Variants in PARD3B observed in about 807,000 individuals in gnomAD.
The protein encoded by PARD3B is partitioning defective 3 homolog B.
A neutral mutation model predicts 130.2 loss-of-function variants in PARD3B; 103 were observed. The ratio of observed to expected loss-of-function variants is 0.79; its 90% CI spans 0.67 to 0.93. The LOEUF is 0.93. Among genes scored for constraint, PARD3B ranks in the 40% least tolerant of loss-of-function variants. The pLI is 0.00. For missense variants in PARD3B, 1,609 were observed against 1,499.2 expected (o/e 1.07, Z -1.21); for synonymous variants, 583 against 553.2 (o/e 1.05, Z -0.76).
Position 205,183,547 on chromosome 2 carries a change from G to A in PARD3B, c.1925-2217G>A, listed in dbSNP as rs2035913832. On this transcript the variant is annotated intron_variant, in intron 13 of 22. Coordinates refer to ENST00000406610, the MANE Select transcript of PARD3B (RefSeq NM_001302769.2). The surrounding 1 kb of genome is among the most constrained non-coding windows in gnomAD (Gnocchi z 5.2). ...GAGGTGGTGCAGGGGCACAGTGCAG[G>A]CGCTGCCTTTGTGCTTCTTTCCCCC... Among the ~76,000 whole-genome samples the A allele has an allele frequency of 6.6e-6, 1 of 152,114 alleles. No individual in the cohort carries two copies. The highest frequency in any genetic ancestry group is 2.1e-4 in the South Asian group (1 of 4,830).
chr2:205,155,841 T>G (rs1206242717), intron 10 of PARD3B, among the ~76,000 whole-genome samples: 1 of 152,224 alleles, frequency 6.6e-6, no homozygotes, highest in Non-Finnish European at 1.5e-5. Flanking sequence ...TGCATAAGTG[T>G]CTTCCTTTGA....
intron 2 of PARD3B, among the ~76,000 whole-genome samples, chr2:204,964,784 T>G (rs987144609): frequency 6.6e-6 from 1 of 152,134 alleles, no homozygotes; most frequent in Non-Finnish European, 1.5e-5. Flanking sequence ...CATATTCAAC[T>G]TTCATTTTTG....
Position 204,848,157 on chromosome 2 carries a change from A to G in PARD3B, c.223-116995A>G, listed in dbSNP as rs1259469243. ...ATTCTGCCTAAAGTTTATAAAGTTT[A>G]TAAGTTAAACTTTATCATAGGTGAG... On this transcript the variant is annotated intron_variant, in intron 2 of 22. Transcript: ENST00000406610. 5.3e-5 allele frequency among the ~76,000 whole-genome samples: 8 copies of G among 152,318 alleles called. 1 individual carries two copies. In the South Asian group the frequency reaches 8.3e-4, roughly 16 times the overall value.
chr2:204,566,536 T>C (rs1444779020), intron 1 of PARD3B, among the ~76,000 whole-genome samples: 2 of 152,204 alleles, frequency 1.3e-5, no homozygotes, highest in African/African-American at 4.8e-5. Flanking sequence ...ACGTTTGTCT[T>C]ATAAAGTTCT....
intron 10 of PARD3B, among the ~76,000 whole-genome samples, chr2:205,154,609 C>T (rs189626459): frequency 4.7e-3 from 715 of 152,216 alleles, no homozygotes; most frequent in African/African-American, 0.017. Context: ...ATGTTTATTG[C>T]GGCACTATTC....
At chr2:205,610,287 C>A (rs188477610) in intron 22 of PARD3B, among the ~76,000 whole-genome samples, 3 of 152,302 alleles carry the variant, frequency 2.0e-5, no homozygotes, top group Admixed American at 6.5e-5. Context: ...CCAGGTACCA[C>A]ACTTGTAACT....
At position 205,499,925 on chromosome 2, in the gene PARD3B, G is replaced by A. The variant is rs200533547; in HGVS notation, c.3074G>A (p.Arg1025His). The A allele has an allele frequency of 9.0e-5, 145 of 1,613,512 alleles. No individual in the cohort carries two copies. Among genetic ancestry groups the A allele is most frequent in the East Asian group, 8.9e-4 (40 of 44,892 alleles). The stretch of plus-strand genomic sequence containing the variant: ...CGTCCTACGGGTGGAAGCACTGACC[G>A]TATCCAGAAGTTGCGGAAAGAGTAT... ...SGRPTGGSTDRIQKLRKEYYQ... is the reference protein window; with the variant it reads ...SGRPTGGSTDHIQKLRKEYYQ... Residue 1025 changes from arginine to histidine, a missense_variant, in exon 21 of 23, where the codon CGT (arginine) becomes CAT (histidine). Coordinates refer to ENST00000406610, the MANE Select transcript of PARD3B (RefSeq NM_001302769.2).
intron 20 of PARD3B, among the ~76,000 whole-genome samples, chr2:205,476,320 C>T (rs1264733835): frequency 6.6e-6 from 1 of 152,162 alleles, no homozygotes; most frequent in Non-Finnish European, 1.5e-5. Flanking sequence ...CTAAGAAATA[C>T]ATTAGGTAGA....
At chr2:204,633,645 C>G (rs1403636960) in intron 1 of PARD3B, among the ~76,000 whole-genome samples, 1 of 151,970 alleles carries the variant, frequency 6.6e-6, no homozygotes, top group Non-Finnish European at 1.5e-5. Context: ...AACCCTGTTT[C>G]TACTAAAAAT....
At chr2:205,027,439 T>C (rs2125350930) in intron 3 of PARD3B, among the ~76,000 whole-genome samples, 1 of 152,280 alleles carries the variant, frequency 6.6e-6, no homozygotes, top group East Asian at 1.9e-4. Flanking sequence ...GCTGCTTGAA[T>C]TTATAATATT....
chr2:205,620,158 A>G lies in PARD3B; in HGVS notation c.*4345A>G, dbSNP rs2055552290. 6.6e-6 allele frequency: 1 copy of G among 152,052 alleles called. No individual in the cohort carries two copies. The highest frequency in any genetic ancestry group is 2.4e-5 in the African/African-American group (1 of 41,420). 9.4% of individuals were successfully genotyped at this position (152,052 alleles called of 1,614,324 possible). The stretch of plus-strand genomic sequence containing the variant: ...CATTAAAATAAAGCTTTATTCAGTC[A>G]TTAAGACGTCAGAGTCTTGGATTGC... On this transcript the variant is annotated 3_prime_UTR_variant, in exon 23 of 23. Transcript: ENST00000406610.
Position 205,104,448 on chromosome 2 carries a change from A to G in PARD3B, c.527A>G (p.Asp176Gly). Reference protein sequence around the residue: ...VVPDSTQNLEDREVLNGVQTE... With the variant: ...VVPDSTQNLEGREVLNGVQTE... ...TAGGATTCCACGCAGAACTTGGAAG[A>G]CAGAGAAGTTTTGAATGGTGTACAG... Residue 176 changes from aspartate to glycine, a missense_variant, in exon 5 of 23, where the codon GAC becomes GGC. Physicochemically the swap from Asp to Gly is moderately conservative, Grantham distance 94. Transcript: ENST00000406610. 1.9e-6 allele frequency: 3 copies of G among 1,601,830 alleles called. No homozygotes were observed. The South Asian group carries it at 3.3e-5, about 18-fold the overall frequency.
intron 22 of PARD3B, among the ~76,000 whole-genome samples, chr2:205,578,965 G>T (rs976832603): frequency 6.6e-6 from 1 of 152,094 alleles, no homozygotes; most frequent in Non-Finnish European, 1.5e-5. Context: ...GTAAATATTT[G>T]CTTTCAAAAA....
intron 11 of PARD3B, among the ~76,000 whole-genome samples, chr2:205,162,528 G>A (rs1200757026): frequency 8.5e-5 from 13 of 152,182 alleles, no homozygotes; most frequent in Non-Finnish European, 7.3e-5. Context: ...TTCTTCCTGG[G>A]CGTTTGCCCC....
At chr2:204,908,222 A>G (rs75375430) in intron 2 of PARD3B, among the ~76,000 whole-genome samples, 3,522 of 152,356 alleles carry the variant, frequency 0.023, 62 homozygotes, top group Non-Finnish European at 0.037. Context: ...TAATCCAAAA[A>G]TATGAACACA....
At chr2:204,626,975 G>GGGA (rs1173255218) in intron 1 of PARD3B, among the ~76,000 whole-genome samples, 1 of 152,134 alleles carries the variant, frequency 6.6e-6, no homozygotes, top group Non-Finnish European at 1.5e-5. Context: ...TGTCAAGGGA[G>GGGA]GGAGGTGATT....
At chr2:204,667,210 C>A (rs983976599) in intron 1 of PARD3B, among the ~76,000 whole-genome samples, 1 of 152,132 alleles carries the variant, frequency 6.6e-6, no homozygotes, top group Non-Finnish European at 1.5e-5. Flanking sequence ...AGGCTGGAAT[C>A]TTCATAAAAG....
chr2:204,739,098 A>G (rs568839893), intron 2 of PARD3B, among the ~76,000 whole-genome samples: 20 of 152,212 alleles, frequency 1.3e-4, no homozygotes, highest in African/African-American at 4.8e-4. Flanking sequence ...ACTTACTGGC[A>G]TGTGTATGTT....
chr2:205,481,578 C>G (rs569654043), intron 20 of PARD3B, among the ~76,000 whole-genome samples: 1 of 152,094 alleles, frequency 6.6e-6, no homozygotes, highest in Non-Finnish European at 1.5e-5. Flanking sequence ...ATGGGAGAAA[C>G]GAAGCCAACA....
Sources: gnomAD v4.1 joint callset for allele counts (sites outside exome capture counted in the v4.1 genomes callset) on GRCh38, gnomAD v4.1.1 for gene constraint, Gnocchi (gnomAD v3.1) non-coding constraint, MANE v1.5 for transcripts, NCBI Gene and HGNC (gene_info 2026-07-23, HGNC 2026-07-21) for gene names.